Variants in SCOC observed in about 807,000 individuals in gnomAD.
SCOC encodes short coiled-coil protein.
A neutral mutation model predicts 9.9 loss-of-function variants in SCOC; 7 were observed. The ratio of observed to expected loss-of-function variants is 0.71; its 90% CI spans 0.40 to 1.33. The LOEUF is 1.33. Among genes scored for constraint, SCOC ranks in the 40% most tolerant of loss-of-function variants. The probability of loss-of-function intolerance (pLI) is 0.01; values close to 1 mark genes in which losing one functional copy is unlikely to be tolerated. For missense variants in SCOC, 66 were observed against 89.7 expected, an observed-to-expected ratio of 0.74 and a Z score of 1.07; for synonymous variants, 19 against 28.2, an observed-to-expected ratio of 0.67 and a Z score of 1.03.
chr4:140,310,248 G>A (rs1732111771), intron 1 of SCOC, among the ~76,000 whole-genome samples: 1 of 152,176 alleles, frequency 6.6e-6, no homozygotes, highest in African/African-American at 2.4e-5. Context: ...TACAGGGCTG[G>A]AAGTGATACA....
chr4:140,269,507 A>G (rs1220896426), intron 1 of SCOC, among the ~76,000 whole-genome samples: 2 of 152,140 alleles, frequency 1.3e-5, no homozygotes, highest in Non-Finnish European at 2.9e-5. Flanking sequence ...CCTGCAAGGT[A>G]TCAGCCATAT....
At chr4:140,272,326 A>G (rs934028779) in intron 1 of SCOC, among the ~76,000 whole-genome samples, 3 of 151,316 alleles carry the variant, frequency 2.0e-5, no homozygotes, top group African/African-American at 7.3e-5. Context: ...AATTGTTGGG[A>G]TTACAGGCGT....
intron 1 of SCOC, among the ~76,000 whole-genome samples, chr4:140,320,006 G>C (rs1368364249): frequency 6.6e-6 from 1 of 152,126 alleles, no homozygotes; most frequent in African/African-American, 2.4e-5. Flanking sequence ...ATTTGAACCG[G>C]AGCAACTCCA....
chr4:140,343,728 C>CATACA, intron 2 of SCOC: 5 of 1,562,714 alleles, frequency 3.2e-6, no homozygotes, highest in Non-Finnish European at 4.4e-6. Flanking sequence ...AAATGGATAA[C>CATACA]TTCTCAAACA....
At chr4:140,339,330 G>A (rs76188430), upstream of SCOC, among the ~76,000 whole-genome samples, 1 of 151,654 alleles carries the variant, frequency 6.6e-6, no homozygotes, top group South Asian at 2.1e-4. Flanking sequence ...AATGTTGGAC[G>A]TAAAACCATA....
At chr4:140,273,739 G>T (rs982554091) in intron 1 of SCOC, among the ~76,000 whole-genome samples, 2 of 152,054 alleles carry the variant, frequency 1.3e-5, no homozygotes, top group Admixed American at 1.3e-4. Context: ...CATGTTTAAA[G>T]AATTATATTG....
chr4:140,309,085 T>A (rs1419614101), intron 1 of SCOC, among the ~76,000 whole-genome samples: 5 of 152,112 alleles, frequency 3.3e-5, no homozygotes, highest in African/African-American at 1.2e-4. Flanking sequence ...CAGTAAGGAA[T>A]GAGTATCTGG....
At chr4:140,341,110 C>G (rs535474346), upstream of SCOC, among the ~76,000 whole-genome samples, 4 of 151,942 alleles carry the variant, frequency 2.6e-5, no homozygotes, top group African/African-American at 9.7e-5. Context: ...TTTTCATTCC[C>G]CCATCCATTA....
chr4:140,299,369 C>T (rs1455354734), intron 1 of SCOC, among the ~76,000 whole-genome samples: 1 of 152,146 alleles, frequency 6.6e-6, no homozygotes, highest in Non-Finnish European at 1.5e-5. Context: ...CATATGAATT[C>T]ATAAGGAAAG....
chr4:140,359,221 C>T (rs959013753), intron 2 of SCOC, among the ~76,000 whole-genome samples: 1 of 152,162 alleles, frequency 6.6e-6, no homozygotes, highest in Admixed American at 6.5e-5. Context: ...GTGGGGGCTG[C>T]GGTCATCTGA....
rs1226013699 is a variant in SCOC, at chr4:140,384,360, CA to C, written c.*3257del. ...ACACAGTGTGCACAGGGACTGTGTCCAGCTTCTGGAAAAGACTCGACCAAAT... is the reference window on the plus strand; with the variant it reads ...ACACAGTGTGCACAGGGACTGTGTCCGCTTCTGGAAAAGACTCGACCAAAT... On this transcript the variant is annotated 3_prime_UTR_variant, in exon 4 of 4. Coordinates refer to ENST00000608372, the MANE Select transcript of SCOC (RefSeq NM_001153484.2). 6.6e-6 allele frequency: 1 copy of C among 152,180 alleles called. No individual in the cohort carries two copies. The highest frequency in any genetic ancestry group is 1.5e-5 in the Non-Finnish European group (1 of 68,034). 9.4% of individuals were successfully genotyped at this position (152,180 alleles called of 1,614,324 possible).
intron 1 of SCOC, among the ~76,000 whole-genome samples, chr4:140,294,816 T>C (rs984285882): frequency 1.3e-5 from 2 of 152,240 alleles, no homozygotes; most frequent in Non-Finnish European, 2.9e-5. Flanking sequence ...TTTGCTTCCC[T>C]TTCTGCTGAC....
intron 1 of SCOC, among the ~76,000 whole-genome samples, chr4:140,307,751 T>A (rs1048196891): frequency 6.6e-6 from 1 of 152,154 alleles, no homozygotes; most frequent in East Asian, 1.9e-4. Flanking sequence ...CTCACAGAAA[T>A]CCTATCTCCA....
At chr4:140,366,288 C>T (rs1260630959) in intron 2 of SCOC, 1 of 1,404,586 alleles carries the variant, frequency 7.1e-7, no homozygotes, top group Admixed American at 2.6e-5. Flanking sequence ...AGCTTTTTGA[C>T]CCTTCTGAGC....
At chr4:140,368,323 T>C (rs1479247233) in intron 2 of SCOC, among the ~76,000 whole-genome samples, 2 of 152,236 alleles carry the variant, frequency 1.3e-5, no homozygotes, top group Non-Finnish European at 2.9e-5. Context: ...CTTAGCTTTA[T>C]TCTAAGCAAC....
At position 140,285,008 on chromosome 4, in the gene SCOC, G is replaced by A. The variant is rs143586748; in HGVS notation, c.-19+27598G>A. ...TCCAATTGAAAACTCTCATGATAATGGTTAACGTCTTGCACTTTCACTGTG... is the reference window on the plus strand; with the variant it reads ...TCCAATTGAAAACTCTCATGATAATAGTTAACGTCTTGCACTTTCACTGTG... On this transcript the variant is annotated intron_variant, in intron 1 of 4. Coordinates refer to the SCOC transcript ENST00000394205. 589 of 320,450 alleles carry A rather than the reference G, an allele frequency of 1.8e-3. 6 individuals are homozygous for A. Among genetic ancestry groups the A allele is most frequent in the African/African-American group, 9.4e-3 (438 of 46,454 alleles). The allele number at this position is 320,450 out of a possible 1,614,324, so 19.9% of individuals were successfully genotyped here.
chr4:140,266,814 G>A (rs73855709), intron 1 of SCOC, among the ~76,000 whole-genome samples: 1 of 152,076 alleles, frequency 6.6e-6, no homozygotes, highest in Non-Finnish European at 1.5e-5. Flanking sequence ...AAAATAAAAA[G>A]GGAGGAAGGG....
intron 1 of SCOC, among the ~76,000 whole-genome samples, chr4:140,289,809 G>C (rs1731415004): frequency 6.6e-6 from 1 of 152,172 alleles, no homozygotes; most frequent in Non-Finnish European, 1.5e-5. Context: ...TGCTTATCCT[G>C]CCAGCTCAGA....
At chr4:140,354,693 C>G (rs1727135351) in intron 2 of SCOC, among the ~76,000 whole-genome samples, 1 of 151,146 alleles carries the variant, frequency 6.6e-6, no homozygotes, top group African/African-American at 2.4e-5. Context: ...ACTGCATGTT[C>G]TAATGATTAT....
Sources: allele counts gnomAD v4.1 joint callset (sites outside exome capture counted in the v4.1 genomes callset), GRCh38; gene constraint gnomAD v4.1.1; transcripts MANE v1.5; gene names NCBI Gene and HGNC (gene_info 2026-07-23, HGNC 2026-07-21).